Variants in LRRC4C observed in about 807,000 individuals in gnomAD.
LRRC4C encodes leucine rich repeat containing 4C, also known as leucine-rich repeat-containing protein 4C.
A neutral mutation model predicts 33.6 loss-of-function variants in LRRC4C; 5 were observed. That is an observed-to-expected ratio of 0.15 (90% confidence interval 0.08 to 0.31). The LOEUF (loss-of-function observed/expected upper bound fraction) is 0.31, where lower values mean the gene tolerates loss of function less well. LRRC4C is among the 10% of genes least tolerant of loss of function. The probability of loss-of-function intolerance (pLI) is 1.00; values close to 1 mark genes in which losing one functional copy is unlikely to be tolerated. For synonymous variants in LRRC4C, 329 were observed against 302.0 expected (o/e 1.09, Z -0.93); for missense variants, 560 against 796.7 (o/e 0.70, Z 3.58).
chr11:40,463,305 GGTGT>G (rs33911904), intron 3 of LRRC4C, among the ~76,000 whole-genome samples: 10,141 of 144,302 alleles, frequency 0.07, 420 homozygotes, highest in East Asian at 0.14. Flanking sequence ...ATGTGTTACT[GGTGT>G]GTGTGTGTGT....
intron 2 of LRRC4C, among the ~76,000 whole-genome samples, chr11:40,664,541 T>C (rs995467782): frequency 9.5e-6 from 1 of 105,814 alleles, no homozygotes; most frequent in Non-Finnish European, 2.3e-5. Context: ...CGAGACTCTG[T>C]CTCAAAAAAA....
intron 5 of LRRC4C, among the ~76,000 whole-genome samples, chr11:40,190,468 C>T (rs895127219): frequency 6.6e-6 from 1 of 152,194 alleles, no homozygotes; most frequent in Non-Finnish European, 1.5e-5. Context: ...CATGCCATCA[C>T]CAATCAAATC....
chr11:41,027,253 TTGTCA>T (rs1425891564), intron 1 of LRRC4C, among the ~76,000 whole-genome samples: 1 of 151,670 alleles, frequency 6.6e-6, no homozygotes, highest in Non-Finnish European at 1.5e-5. Context: ...AGCCGAAGCA[TTGTCA>T]TATCATGTCA....
chr11:40,643,425 C>T (rs1016910627), intron 3 of LRRC4C, among the ~76,000 whole-genome samples: 1 of 152,102 alleles, frequency 6.6e-6, no homozygotes, highest in Non-Finnish European at 1.5e-5. Context: ...AAGAAGATCA[C>T]ACAGAAGCCA....
chr11:40,731,660 A>G (rs1023392524), intron 2 of LRRC4C, among the ~76,000 whole-genome samples: 1 of 152,030 alleles, frequency 6.6e-6, no homozygotes, highest in African/African-American at 2.4e-5. Context: ...TGTGGAAAAT[A>G]TATTGGTTCA....
intron 2 of LRRC4C, among the ~76,000 whole-genome samples, chr11:40,695,178 G>T (rs1945430128): frequency 6.6e-6 from 1 of 152,188 alleles, no homozygotes; most frequent in Admixed American, 6.5e-5. Context: ...CATTATGCTT[G>T]TGGTGATCAG....
At chr11:41,212,019 G>C (rs762291320) in intron 1 of LRRC4C, among the ~76,000 whole-genome samples, 1 of 152,010 alleles carries the variant, frequency 6.6e-6, no homozygotes, top group Admixed American at 6.6e-5. Flanking sequence ...TAATGATCGA[G>C]GCCAACTAAT....
chr11:40,858,684 C>G (rs1002821504), intron 2 of LRRC4C, among the ~76,000 whole-genome samples: 1 of 121,198 alleles, frequency 8.3e-6, no homozygotes, highest in African/African-American at 3.5e-5. Flanking sequence ...CAGAGTGAGA[C>G]TCCTTCTTAA....
chr11:40,936,877 T>C (rs1957925902), intron 1 of LRRC4C, among the ~76,000 whole-genome samples: 1 of 152,228 alleles, frequency 6.6e-6, no homozygotes, highest in East Asian at 1.9e-4. Flanking sequence ...TAATTTGAAA[T>C]TAGAATTATA....
intron 4 of LRRC4C, among the ~76,000 whole-genome samples, chr11:40,242,391 A>C (rs1352334732): frequency 6.6e-6 from 1 of 152,020 alleles, no homozygotes; most frequent in African/African-American, 2.4e-5. Context: ...AATGAGTTTT[A>C]TGTTTTTCCC....
intron 1 of LRRC4C, among the ~76,000 whole-genome samples, chr11:41,297,233 C>A (rs1950168461): frequency 6.6e-6 from 1 of 152,016 alleles, no homozygotes; most frequent in Admixed American, 6.6e-5. Flanking sequence ...AGGAATAAAC[C>A]CCACTTGGTC....
At chr11:41,399,480 T>A (rs559721543) in intron 1 of LRRC4C, among the ~76,000 whole-genome samples, 1 of 151,952 alleles carries the variant, frequency 6.6e-6, no homozygotes, top group Non-Finnish European at 1.5e-5. Flanking sequence ...GCCTTTAGAA[T>A]GACAGGCTTT....
intron 1 of LRRC4C, among the ~76,000 whole-genome samples, chr11:41,008,361 C>CT (rs1403648216): frequency 3.9e-5 from 6 of 152,142 alleles, no homozygotes; most frequent in Non-Finnish European, 8.8e-5. Flanking sequence ...GTCTCTCTGA[C>CT]TTTAACGCCT....
chr11:40,836,739 C>G (rs1240341274), intron 2 of LRRC4C, among the ~76,000 whole-genome samples: 1 of 152,170 alleles, frequency 6.6e-6, no homozygotes, highest in Non-Finnish European at 1.5e-5. Flanking sequence ...TCTCTCTGAG[C>G]TTTACCTCCC....
intron 2 of LRRC4C, among the ~76,000 whole-genome samples, chr11:40,907,824 T>C (rs1416453396): frequency 6.6e-6 from 1 of 152,238 alleles, no homozygotes; most frequent in East Asian, 1.9e-4. Context: ...AAAGCGTAAC[T>C]TGTTTTAAAA....
intron 4 of LRRC4C, among the ~76,000 whole-genome samples, chr11:40,283,068 C>A (rs1439742623): frequency 6.6e-6 from 1 of 152,196 alleles, no homozygotes; most frequent in Non-Finnish European, 1.5e-5. Context: ...ATGTGCAATG[C>A]ACAACTGCAA....
At chr11:41,304,785 C>T (rs1950427729) in intron 1 of LRRC4C, among the ~76,000 whole-genome samples, 2 of 103,480 alleles carry the variant, frequency 1.9e-5, no homozygotes, top group South Asian at 3.5e-4. Flanking sequence ...GTCAGCCCCC[C>T]GCCCGGCCAG....
chr11:40,574,457 C>A (rs2135584462), intron 3 of LRRC4C, among the ~76,000 whole-genome samples: 1 of 152,250 alleles, frequency 6.6e-6, no homozygotes, highest in East Asian at 1.9e-4. Context: ...ATATCAGGAA[C>A]AAACCTGAGC....
chr11:40,840,735 G>A (rs1036060079), intron 2 of LRRC4C, among the ~76,000 whole-genome samples: 2 of 152,202 alleles, frequency 1.3e-5, no homozygotes, highest in South Asian at 2.1e-4. Context: ...GATTTAGAGA[G>A]TTTAGAAAAG....
Sources: gnomAD v4.1 joint callset for allele counts (sites outside exome capture counted in the v4.1 genomes callset) on GRCh38, gnomAD v4.1.1 for gene constraint, MANE v1.5 for transcripts, NCBI Gene and HGNC (gene_info 2026-07-23, HGNC 2026-07-21) for gene names.